The following STYX variants were observed in gnomAD, a reference collection of about 807,000 sequenced individuals.
STYX encodes the protein serine/threonine/tyrosine-interacting protein.
A neutral mutation model predicts 42.7 loss-of-function variants in STYX; 20 were observed. The observed-to-expected ratio is 0.47, with a 90% confidence interval of 0.33 to 0.68. The LOEUF (loss-of-function observed/expected upper bound fraction) is 0.68. STYX is among the 30% of genes least tolerant of loss of function. The probability of loss-of-function intolerance (pLI) is 0.02; values close to 1 mark genes in which losing one functional copy is unlikely to be tolerated. For synonymous variants in STYX, 78 were observed against 81.9 expected, an observed-to-expected ratio of 0.95 and a Z score of 0.26; for missense variants, 226 against 268.5, an observed-to-expected ratio of 0.84 and a Z score of 1.11.
chr14:52,742,610 A>C (rs1311537331), intron 1 of STYX, among the ~76,000 whole-genome samples: 1 of 152,202 alleles, frequency 6.6e-6, no homozygotes, highest in Non-Finnish European at 1.5e-5. Flanking sequence ...TAGAAAAGGC[A>C]TTTCAGTGTG....
chr14:52,757,703 A>C (rs370738114), intron 6 of STYX, 40 bp from the exon 7 acceptor site: 3 of 1,595,652 alleles, frequency 1.9e-6, no homozygotes, highest in Non-Finnish European at 2.6e-6. Flanking sequence ...CTACTGACTC[A>C]GGTGTTTTTC....
intron 9 of STYX, among the ~76,000 whole-genome samples, chr14:52,764,877 CAGGATGGTCTCG>C (rs1395443586): frequency 6.6e-6 from 1 of 151,908 alleles, no homozygotes; most frequent in Non-Finnish European, 1.5e-5. Context: ...CCATGTTGGC[CAGGATGGTCTCG>C]AATTCCTGAG....
chr14:52,774,337 T>G lies in STYX; in HGVS notation c.*3231T>G, dbSNP rs560132473. 68 of 151,690 alleles carry G rather than the reference T, an allele frequency of 4.5e-4. No individual in the cohort carries two copies. The highest frequency in any genetic ancestry group is 8.5e-4 in the Non-Finnish European group (58 of 67,876). The allele number at this position is 151,690 out of a possible 1,614,324, so 9.4% of individuals were successfully genotyped here. A position where few individuals can be genotyped will look rare whatever the true frequency, so the allele number is the denominator to read the frequency against. On this transcript the variant is annotated 3_prime_UTR_variant, in exon 11 of 11. Coordinates refer to ENST00000354586, the MANE Select transcript of STYX (RefSeq NM_145251.4). ...GCAATCTTGAATTATAAAGTTGAGA[T>G]ATATATATATATGTATCAAGATCTC...
chr14:52,741,913 C>T (rs1881209955), intron 1 of STYX, among the ~76,000 whole-genome samples: 1 of 152,114 alleles, frequency 6.6e-6, no homozygotes, highest in African/African-American at 2.4e-5. Flanking sequence ...GTTGTTTCTG[C>T]TTCCTGTGGT....
chr14:52,755,762 T>C lies in STYX; in HGVS notation c.243-789T>C, dbSNP rs568433238. Among the ~76,000 whole-genome samples the C allele has an allele frequency of 6.1e-5, 9 of 147,826 alleles. No individual in the cohort carries two copies. The South Asian group carries it at 2.1e-3, about 34-fold the overall frequency. Reference sequence around the variant, plus strand: ...GTTTGACTCCTGGTTCCATAGACCATACCTTCCGTTTTTATTTGTTCGTTC... The same window carrying C: ...GTTTGACTCCTGGTTCCATAGACCACACCTTCCGTTTTTATTTGTTCGTTC... On this transcript the variant is annotated intron_variant, in intron 4 of 10. Transcript: ENST00000354586.
chr14:52,770,123 C>G (rs1882455446), intron 10 of STYX, among the ~76,000 whole-genome samples: 1 of 152,084 alleles, frequency 6.6e-6, no homozygotes, highest in South Asian at 2.1e-4. Flanking sequence ...AACCCCTAGT[C>G]ATTTGGAGTT....
chr14:52,762,461 A>T (rs1452563776), intron 9 of STYX, among the ~76,000 whole-genome samples: 2 of 152,220 alleles, frequency 1.3e-5, no homozygotes, highest in East Asian at 3.8e-4. Flanking sequence ...CTTTTGGTCC[A>T]GCAATGGATC....
intron 9 of STYX, among the ~76,000 whole-genome samples, chr14:52,766,017 G>T (rs1434076226): frequency 6.6e-6 from 1 of 152,008 alleles, no homozygotes; most frequent in Non-Finnish European, 1.5e-5. Context: ...TTTGTTTTTT[G>T]AGGGGGTCTC....
At chr14:52,766,317 C>T (rs1882300164) in intron 9 of STYX, among the ~76,000 whole-genome samples, 1 of 152,180 alleles carries the variant, frequency 6.6e-6, no homozygotes, top group African/African-American at 2.4e-5. Flanking sequence ...CAGGCATGTG[C>T]CACCAAACTC....
chr14:52,751,426 A>G (rs1881605892), intron 4 of STYX, among the ~76,000 whole-genome samples: 1 of 151,940 alleles, frequency 6.6e-6, no homozygotes, highest in African/African-American at 2.4e-5. Flanking sequence ...ATGTGAGCAT[A>G]TTGATAGGGC....
At chr14:52,755,329 G>T (rs1594875812) in intron 4 of STYX, among the ~76,000 whole-genome samples, 1 of 151,816 alleles carries the variant, frequency 6.6e-6, no homozygotes, top group African/African-American at 2.4e-5. Context: ...CACCATGTTG[G>T]CCAGGATGGT....
intron 1 of STYX, among the ~76,000 whole-genome samples, chr14:52,744,495 TTA>T (rs1290648111): frequency 3.9e-5 from 6 of 152,142 alleles, no homozygotes; most frequent in Admixed American, 3.9e-4. Context: ...TGTCAGTTGA[TTA>T]GAGTTGGCAT....
chr14:52,733,973 T>C (rs1418988538), intron 1 of STYX, among the ~76,000 whole-genome samples: 1 of 152,176 alleles, frequency 6.6e-6, no homozygotes, highest in East Asian at 1.9e-4. Context: ...CATTGGCCAT[T>C]CCATGCTCAC....
intron 1 of STYX, among the ~76,000 whole-genome samples, chr14:52,737,804 T>C (rs1243453670): frequency 6.6e-6 from 1 of 152,094 alleles, no homozygotes; most frequent in Non-Finnish European, 1.5e-5. Context: ...TTTTTGTTTG[T>C]TTGTTTGTTT....
rs563841243 is a variant in STYX, at chr14:52,774,512, A to C, written c.*3406A>C. The C allele has an allele frequency of 6.6e-6, 1 of 151,792 alleles. No individual in the cohort carries two copies. Among genetic ancestry groups the C allele is most frequent in the African/African-American group, 2.4e-5 (1 of 41,236 alleles). 9.4% of individuals were successfully genotyped at this position (151,792 alleles called of 1,614,324 possible). A position where few individuals can be genotyped will look rare whatever the true frequency, so the allele number is the denominator to read the frequency against. ...CAGTGCTCCGATAAGGGAATGCTAG[A>C]AAATAGATGAGAAGTACTGAAAGAC... On this transcript the variant is annotated 3_prime_UTR_variant, in exon 11 of 11. Coordinates refer to ENST00000354586, the MANE Select transcript of STYX (RefSeq NM_145251.4).
chr14:52,759,212 T>C (rs1200880117), intron 8 of STYX, among the ~76,000 whole-genome samples: 1 of 152,174 alleles, frequency 6.6e-6, no homozygotes, highest in Non-Finnish European at 1.5e-5. Context: ...AGTCTCAGAC[T>C]TGAGGACTCA....
Position 52,749,267 on chromosome 14 carries a change from A to T in STYX, c.145-1416A>T, listed in dbSNP as rs531557707. On this transcript the variant is annotated intron_variant, in intron 3 of 10. Transcript: ENST00000354586. The stretch of plus-strand genomic sequence containing the variant: ...TCATGACCTCAATCTAAAACTGATT[A>T]TCTTCCAGAGACTCCACCATCACAT... Among the ~76,000 whole-genome samples, 3 of 152,356 alleles carry T rather than the reference A, an allele frequency of 2.0e-5. No homozygotes were observed. In the South Asian group the frequency reaches 6.2e-4, roughly 32 times the overall value.
chr14:52,774,299 G>C lies in STYX; in HGVS notation c.*3193G>C, dbSNP rs1882633744. On this transcript the variant is annotated 3_prime_UTR_variant, in exon 11 of 11. Coordinates refer to ENST00000354586, the MANE Select transcript of STYX (RefSeq NM_145251.4). ...TTAATATGGTAATTCAAGTGAATTA[G>C]AAATATTTAACTGCAATCTTGAATT... 2 of 151,968 alleles carry C rather than the reference G, an allele frequency of 1.3e-5. No homozygotes were observed. Among genetic ancestry groups the C allele is most frequent in the Non-Finnish European group, 2.9e-5 (2 of 67,978 alleles). The allele number at this position is 151,968 out of a possible 1,614,324, so 9.4% of individuals were successfully genotyped here.
At chr14:52,732,758 C>T (rs1880785591) in intron 1 of STYX, among the ~76,000 whole-genome samples, 1 of 152,082 alleles carries the variant, frequency 6.6e-6, no homozygotes, top group Admixed American at 6.5e-5. Context: ...GCAACCTCCG[C>T]CTCCCACGTT....
Sources: gnomAD v4.1 joint callset for allele counts (sites outside exome capture counted in the v4.1 genomes callset) on GRCh38, gnomAD v4.1.1 for gene constraint, MANE v1.5 for transcripts, NCBI Gene and HGNC (gene_info 2026-07-23, HGNC 2026-07-21) for gene names.